Variants in MAP3K10 observed in about 807,000 individuals in gnomAD.
MAP3K10 encodes the protein mitogen-activated protein kinase kinase kinase 10.
A neutral mutation model predicts 75.0 loss-of-function variants in MAP3K10; 22 were observed. The observed-to-expected ratio is 0.29, with a 90% CI of 0.21 to 0.42. The LOEUF (loss-of-function observed/expected upper bound fraction) is 0.42. Among genes scored for constraint, MAP3K10 ranks in the 10% least tolerant of loss-of-function variants. The probability of loss-of-function intolerance (pLI) is 1.00; values close to 1 mark genes in which losing one functional copy is unlikely to be tolerated. For synonymous variants in MAP3K10, 599 were observed against 612.9 expected (o/e 0.98, Z 0.34); for missense variants, 1,165 against 1,379.8 (o/e 0.84, Z 2.47).
chr19:40,214,064 G>T lies in MAP3K10; in HGVS notation c.2385G>T (p.Val795=). 2 of 1,548,348 alleles carry T rather than the reference G, an allele frequency of 1.3e-6. No homozygotes were observed. Among genetic ancestry groups the T allele is most frequent in the Non-Finnish European group, 1.7e-6 (2 of 1,155,162 alleles). Reference sequence around the variant, plus strand: ...CCTCGCCCAGCACCAACCCCCTGGTGGACCTGGAGCTGGAGAGCTTCAAGA... The same window carrying T: ...CCTCGCCCAGCACCAACCCCCTGGTTGACCTGGAGCTGGAGAGCTTCAAGA... The part of the protein sequence containing the change: ...PTPSPSTNPL[V]DLELESFKKD... The change falls in exon 9 of 10, where the codon GTG becomes GTT. Residue 795 remains valine, a synonymous_variant. Coordinates refer to ENST00000253055, the MANE Select transcript of MAP3K10 (RefSeq NM_002446.4).
Position 40,204,431 on chromosome 19 carries a change from A to G in MAP3K10, c.864-54A>G. The G allele has an allele frequency of 6.3e-7, 1 of 1,581,796 alleles. No individual in the cohort carries two copies. Among genetic ancestry groups the G allele is most frequent in the South Asian group, 1.1e-5 (1 of 88,094 alleles). ...TGGGACCAAGGGCAGGGCTGGGTAT[A>G]GGTGAGGATTGGGGTGGGCTGCGAC... On this transcript the variant is annotated intron_variant, in intron 2 of 9. Transcript: ENST00000253055. The surrounding 1 kb of genome is among the most constrained non-coding windows in gnomAD (Gnocchi z 4.3).
rs1301747777 is a variant in MAP3K10 at position 40,206,105 on chromosome 19, C to T, written c.1383C>T (p.Arg461=). Residue 461 remains arginine, a synonymous_variant, in exon 5 of 10, where the codon CGC becomes CGT. Transcript: ENST00000253055. ...RVRKRKGNFK[R]SRLLKLREGG... ...GCAAGCGCAAGGGCAACTTCAAGCG[C>T]AGCCGCCTGCTCAAGCTGCGGGAAG... is the stretch of plus-strand genomic sequence containing the variant. 6.2e-7 allele frequency: 1 copy of T among 1,612,712 alleles called. No homozygotes were observed. The highest frequency in any genetic ancestry group is 1.7e-5 in the Admixed American group (1 of 59,992).
In MAP3K10 at chr19:40,214,023, GCGCCCACACCCACGCCCT is replaced by G. The variant is rs763226341; in HGVS notation, c.2351_2368del (p.Thr784_Pro789del). ...GCCCTCCCCACCACCCTCCCCGCCC[GCGCCCACACCCACGCCCT>G]CGCCCAGCACCAACCCCCTGGTGGA... On this transcript the variant is annotated inframe_deletion, in exon 9 of 10. Transcript: ENST00000253055. The G allele has an allele frequency of 2.0e-6, 1 of 500,756 alleles. No homozygotes were observed. The highest frequency in any genetic ancestry group is 2.9e-6 in the Non-Finnish European group (1 of 342,310). The allele number at this position is 500,756 out of a possible 1,614,324, so 31.0% of individuals were successfully genotyped here. A position where few individuals can be genotyped will look rare whatever the true frequency, so the allele number is the denominator to read the frequency against.
At chr19:40,196,597 C>T (rs1028562456) in intron 1 of MAP3K10, among the ~76,000 whole-genome samples, 1 of 152,244 alleles carries the variant, frequency 6.6e-6, no homozygotes, top group South Asian at 2.1e-4. Context: ...CGGCTCACTG[C>T]AACCTCTGCC....
At position 40,198,608 on chromosome 19, in the gene MAP3K10, G is replaced by C; in HGVS notation, c.863+53G>C. 6.5e-7 allele frequency: 1 copy of C among 1,536,912 alleles called. No homozygotes were observed. The highest frequency in any genetic ancestry group is 1.2e-5 in the South Asian group (1 of 82,214). On this transcript the variant is annotated intron_variant, in intron 2 of 9. Coordinates refer to ENST00000253055, the MANE Select transcript of MAP3K10 (RefSeq NM_002446.4). The surrounding 1 kb of genome is among the most constrained non-coding windows in gnomAD (Gnocchi z 4.3). ...TCTGGGGAGTAAGGGAGGGAGGAAGGGGTGAGGGCAGAGTGGGAGGGAGGG... is the reference window on the plus strand; with the variant it reads ...TCTGGGGAGTAAGGGAGGGAGGAAGCGGTGAGGGCAGAGTGGGAGGGAGGG...
chr19:40,208,366 T>TTTTA (rs1408319138), intron 5 of MAP3K10, among the ~76,000 whole-genome samples: 17 of 131,556 alleles, frequency 1.3e-4, no homozygotes, highest in South Asian at 5.2e-4. Flanking sequence ...TTTTTTTTTT[T>TTTTA]TTTGTATTTT....
At chr19:40,200,886 A>C (rs908118891) in intron 2 of MAP3K10, among the ~76,000 whole-genome samples, 4 of 151,930 alleles carry the variant, frequency 2.6e-5, no homozygotes, top group Non-Finnish European at 5.9e-5. Flanking sequence ...CTGGGATTAC[A>C]GGCATGAGTC....
chr19:40,194,882 C>T (rs754514619), intron 1 of MAP3K10, among the ~76,000 whole-genome samples: 7 of 152,094 alleles, frequency 4.6e-5, no homozygotes, highest in Non-Finnish European at 8.8e-5. Context: ...AGATGGATAC[C>T]AAAATTTCAG....
In MAP3K10 at chr19:40,192,545, C is replaced by G; in HGVS notation, c.514C>G (p.Leu172Val). ...GACLNPPHLCLVMEYARGGAL... is the reference protein window; with the variant it reads ...GACLNPPHLCVVMEYARGGAL... ...CTGCCTCAACCCCCCACACCTCTGC[C>G]TAGTGATGGAGTATGCCCGGGGTGG... The change falls in exon 1 of 10, where the codon CTA (leucine) becomes GTA (valine). Residue 172 changes from leucine (L) to valine (V), a missense_variant. By Grantham distance (32) the Leu-to-Val change is conservative. Transcript: ENST00000253055. This position sits in a 1 kb window ranked among gnomAD's most constrained non-coding sequence, Gnocchi z 7.1. 6.2e-7 allele frequency: 1 copy of G among 1,613,544 alleles called. No homozygotes were observed. Among genetic ancestry groups the G allele is most frequent in the Middle Eastern group, 1.6e-4 (1 of 6,062 alleles).
At chr19:40,200,542 C>T (rs998032333) in intron 2 of MAP3K10, among the ~76,000 whole-genome samples, 8 of 151,152 alleles carry the variant, frequency 5.3e-5, no homozygotes, top group African/African-American at 1.9e-4. Context: ...GTCTCCAGCT[C>T]AGCCTAGAGC....
At chr19:40,208,456 A>T (rs181632051) in intron 5 of MAP3K10, among the ~76,000 whole-genome samples, 5,709 of 144,170 alleles carry the variant, frequency 0.04, 224 homozygotes, top group African/African-American at 0.098. Context: ...TCGGCCTCCC[A>T]AAGTGCTGGG....
intron 6 of MAP3K10, among the ~76,000 whole-genome samples, chr19:40,210,083 CG>C (rs1973207606): frequency 6.6e-6 from 1 of 151,594 alleles, no homozygotes; most frequent in East Asian, 2.0e-4. Flanking sequence ...CTGGCTAATA[CG>C]GTGAAACCCC....
Position 40,215,471 on chromosome 19 carries a change from G to A in MAP3K10, c.*179G>A. 2 of 636,292 alleles carry A rather than the reference G, an allele frequency of 3.1e-6. No individual in the cohort carries two copies. The highest frequency in any genetic ancestry group is 2.9e-5 in the Admixed American group (1 of 33,964). The allele number at this position is 636,292 out of a possible 1,614,324, so 39.4% of individuals were successfully genotyped here. ...TTTGTACCCCAGGGGGTGGAGCCCT[G>A]TGCCCACCCTGCACTGGGGGGAGGG... On this transcript the variant is annotated 3_prime_UTR_variant, in exon 10 of 10. Transcript: ENST00000253055.
Position 40,205,042 on chromosome 19 carries a change from C to G in MAP3K10, c.1013-79C>G. ...TGCCATCCCCAGAAATTCTGCCTTCCTCTGAGCAGGCTGAGTCCCCAGAGC... is the reference window on the plus strand; with the variant it reads ...TGCCATCCCCAGAAATTCTGCCTTCGTCTGAGCAGGCTGAGTCCCCAGAGC... On this transcript the variant is annotated intron_variant, in intron 3 of 9. Coordinates refer to ENST00000253055, the MANE Select transcript of MAP3K10 (RefSeq NM_002446.4). The surrounding 1 kb of genome is among the most constrained non-coding windows in gnomAD (Gnocchi z 4.3). 2 of 1,352,992 alleles carry G rather than the reference C, an allele frequency of 1.5e-6. No homozygotes were observed. The highest frequency in any genetic ancestry group is 1.0e-6 in the Non-Finnish European group (1 of 955,750). The allele number at this position is 1,352,992 out of a possible 1,614,324, so 83.8% of individuals were successfully genotyped here. A position where few individuals can be genotyped will look rare whatever the true frequency, so the allele number is the denominator to read the frequency against.
chr19:40,204,370 G>A lies in MAP3K10; in HGVS notation c.864-115G>A. The stretch of plus-strand genomic sequence containing the variant: ...AAAGCAAGTTCTTGTGACCTCATTG[G>A]CCGGGGGTGGCTGTTGGGGTGAGGG... On this transcript the variant is annotated intron_variant, in intron 2 of 9. Coordinates refer to ENST00000253055, the MANE Select transcript of MAP3K10 (RefSeq NM_002446.4). The surrounding 1 kb of genome is among the most constrained non-coding windows in gnomAD (Gnocchi z 4.3). 8.3e-7 allele frequency: 1 copy of A among 1,201,734 alleles called. No individual in the cohort carries two copies. Among genetic ancestry groups the A allele is most frequent in the Non-Finnish European group, 1.1e-6 (1 of 878,864 alleles). 74.4% of individuals were successfully genotyped at this position (1,201,734 alleles called of 1,614,324 possible). A position where few individuals can be genotyped will look rare whatever the true frequency, so the allele number is the denominator to read the frequency against.
In MAP3K10 at chr19:40,213,227, T is replaced by C. The variant is rs375869293; in HGVS notation, c.1837+39T>C. The C allele has an allele frequency of 4.3e-5, 66 of 1,522,840 alleles. No individual in the cohort carries two copies. The African/African-American group carries it at 9.0e-4, about 21-fold the overall frequency. 94.3% of individuals were successfully genotyped at this position (1,522,840 alleles called of 1,614,324 possible). ...TTCTTGTAAGGGGGTGGGGGTTCCC[T>C]GGCCAAAGGGGTGAGCCTCCTGGGG... On this transcript the variant is annotated intron_variant, in intron 8 of 9. Transcript: ENST00000253055. The surrounding 1 kb of genome is among the most constrained non-coding windows in gnomAD (Gnocchi z 5.7).
chr19:40,201,899 A>G (rs995347815), intron 2 of MAP3K10, among the ~76,000 whole-genome samples: 1 of 149,178 alleles, frequency 6.7e-6, no homozygotes, highest in Non-Finnish European at 1.5e-5. Flanking sequence ...TGCTGCACCC[A>G]TCAACCCATC....
At chr19:40,207,374 T>C (rs1973142750) in intron 5 of MAP3K10, among the ~76,000 whole-genome samples, 1 of 152,138 alleles carries the variant, frequency 6.6e-6, no homozygotes, top group African/African-American at 2.4e-5. Context: ...ACAAGCCACG[T>C]GTATAATTTT....
At chr19:40,193,225 C>G (rs538936294) in intron 1 of MAP3K10, among the ~76,000 whole-genome samples, 75 of 152,338 alleles carry the variant, frequency 4.9e-4, no homozygotes, top group African/African-American at 1.7e-3. Context: ...CCTGCCCCCT[C>G]TCCCCAGCTA....
Sources: allele counts gnomAD v4.1 joint callset (sites outside exome capture counted in the v4.1 genomes callset), GRCh38; gene constraint gnomAD v4.1.1; non-coding constraint Gnocchi (gnomAD v3.1); transcripts MANE v1.5; gene names NCBI Gene and HGNC (gene_info 2026-07-23, HGNC 2026-07-21).